Variants in UNC5C observed in about 807,000 individuals in gnomAD.
The protein encoded by UNC5C is netrin receptor UNC5C.
A neutral mutation model predicts 99.8 loss-of-function variants in UNC5C; 47 were observed. The ratio of observed to expected loss-of-function variants is 0.47; its 90% CI spans 0.37 to 0.60. The LOEUF is 0.60. Ranked by LOEUF, UNC5C falls within the 20% of genes least tolerant of loss-of-function variation. The probability of loss-of-function intolerance (pLI) is 0.00; values close to 1 mark genes in which losing one functional copy is unlikely to be tolerated. For missense variants in UNC5C, 1,062 were observed against 1,165.9 expected, an observed-to-expected ratio of 0.91 and a Z score of 1.30; for synonymous variants, 487 against 452.2, an observed-to-expected ratio of 1.08 and a Z score of -0.98.
chr4:95,270,097 G>A (rs75224143), intron 4 of UNC5C, among the ~76,000 whole-genome samples: 2,700 of 152,164 alleles, frequency 0.018, 66 homozygotes, highest in African/African-American at 0.053. Flanking sequence ...TAATTGCTCC[G>A]GAGTTTGAAG....
At chr4:95,491,618 A>G (rs1055087806) in intron 1 of UNC5C, among the ~76,000 whole-genome samples, 16 of 151,616 alleles carry the variant, frequency 1.1e-4, no homozygotes, top group African/African-American at 3.9e-4. Flanking sequence ...AGGGTTACAA[A>G]TGCTAGTAAT....
chr4:95,523,350 G>A (rs905365399), intron 1 of UNC5C, among the ~76,000 whole-genome samples: 2 of 152,206 alleles, frequency 1.3e-5, no homozygotes, highest in Non-Finnish European at 2.9e-5. Context: ...CACTGGGCCA[G>A]TAAAGGAGAT....
chr4:95,365,074 C>A (rs1261213466), intron 1 of UNC5C, among the ~76,000 whole-genome samples: 1 of 151,312 alleles, frequency 6.6e-6, no homozygotes, highest in South Asian at 2.1e-4. Flanking sequence ...AAAGGCGGAT[C>A]ACCTGAGGTC....
At chr4:95,337,669 A>G (rs1743402067) in intron 1 of UNC5C, among the ~76,000 whole-genome samples, 2 of 152,000 alleles carry the variant, frequency 1.3e-5, no homozygotes, top group Admixed American at 1.3e-4. Context: ...TTGACTTTTA[A>G]GACAACATGA....
intron 1 of UNC5C, among the ~76,000 whole-genome samples, chr4:95,343,876 A>C (rs1454490155): frequency 6.6e-6 from 1 of 152,120 alleles, no homozygotes; most frequent in Non-Finnish European, 1.5e-5. Flanking sequence ...GGGTTATTTG[A>C]AAGTACACAG....
At chr4:95,203,562 T>C (rs1462312072) in intron 11 of UNC5C, among the ~76,000 whole-genome samples, 1 of 152,126 alleles carries the variant, frequency 6.6e-6, no homozygotes, top group Non-Finnish European at 1.5e-5. Context: ...CTCCGTCCCC[T>C]AGGCCCAAGT....
chr4:95,449,454 G>C (rs4103380), intron 1 of UNC5C, among the ~76,000 whole-genome samples: 78,413 of 152,004 alleles, frequency 0.52, 20,750 homozygotes, highest in Non-Finnish European at 0.58. Flanking sequence ...CTTCCTGTAA[G>C]GTGTATGGTG....
intron 1 of UNC5C, among the ~76,000 whole-genome samples, chr4:95,504,988 C>T (rs1721876835): frequency 6.6e-6 from 1 of 151,968 alleles, no homozygotes; most frequent in African/African-American, 2.4e-5. Context: ...AAATAAGAGA[C>T]TTACGCTTAT....
At chr4:95,346,014 T>C (rs1743756811) in intron 1 of UNC5C, among the ~76,000 whole-genome samples, 3 of 151,496 alleles carry the variant, frequency 2.0e-5, no homozygotes, top group Admixed American at 2.0e-4. Flanking sequence ...GGAGCAGAAA[T>C]AAAGGATATT....
At chr4:95,324,271 ACATG>A (rs1664337492) in intron 2 of UNC5C, among the ~76,000 whole-genome samples, 2 of 152,102 alleles carry the variant, frequency 1.3e-5, no homozygotes, top group Non-Finnish European at 2.9e-5. Flanking sequence ...TGTGAACTGC[ACATG>A]CAAGGGATAT....
chr4:95,270,263 C>G (rs1192540396), intron 4 of UNC5C, among the ~76,000 whole-genome samples: 1 of 152,066 alleles, frequency 6.6e-6, no homozygotes, highest in Admixed American at 6.5e-5. Context: ...ATTTTTGCTT[C>G]TCAGTTTTGG....
Position 95,164,024 on chromosome 4 carries a change from C to T in UNC5C, c.*5210G>A, listed in dbSNP as rs1301336201. 1.3e-5 allele frequency: 2 copies of T among 152,188 alleles called. No individual in the cohort carries two copies. The highest frequency in any genetic ancestry group is 4.8e-5 in the African/African-American group (2 of 41,438). The allele number at this position is 152,188 out of a possible 1,614,324, so 9.4% of individuals were successfully genotyped here. On this transcript the variant is annotated 3_prime_UTR_variant, in exon 16 of 16. Transcript: ENST00000453304. ...TTGAATGAGCCCGTTAATATCCTAC[C>T]ACAGATGAATACAATGAGGTGACAG...
intron 2 of UNC5C, among the ~76,000 whole-genome samples, chr4:95,325,298 C>T (rs1265252565): frequency 1.3e-5 from 2 of 151,970 alleles, no homozygotes; most frequent in African/African-American, 2.4e-5. Context: ...TTTTTTAGGC[C>T]TATAACTACT....
intron 1 of UNC5C, among the ~76,000 whole-genome samples, chr4:95,421,098 T>C (rs1056498921): frequency 3.3e-5 from 5 of 152,208 alleles, no homozygotes; most frequent in Admixed American, 2.0e-4. Flanking sequence ...TTATTAGACA[T>C]GTATTTTCAA....
At chr4:95,535,202 G>C (rs1722742549) in intron 1 of UNC5C, among the ~76,000 whole-genome samples, 1 of 151,994 alleles carries the variant, frequency 6.6e-6, no homozygotes, top group South Asian at 2.1e-4. Context: ...ACTTTCCAAA[G>C]AGTTTTACTG....
At chr4:95,451,399 A>G (rs2149467554) in intron 1 of UNC5C, among the ~76,000 whole-genome samples, 1 of 152,312 alleles carries the variant, frequency 6.6e-6, no homozygotes, top group East Asian at 1.9e-4. Context: ...AATGTTACTG[A>G]AAAACCTCAC....
chr4:95,307,717 A>G (rs959829153), intron 2 of UNC5C, among the ~76,000 whole-genome samples: 10 of 152,224 alleles, frequency 6.6e-5, no homozygotes, highest in African/African-American at 2.4e-4. Flanking sequence ...TGCAAAAATC[A>G]TCAACAAAAT....
At chr4:95,257,667 G>A (rs1382620930) in intron 4 of UNC5C, among the ~76,000 whole-genome samples, 1 of 152,200 alleles carries the variant, frequency 6.6e-6, no homozygotes, top group African/African-American at 2.4e-5. Flanking sequence ...AATCCAGCTA[G>A]CACAGCATGA....
At chr4:95,301,445 T>A (rs922665336) in intron 3 of UNC5C, among the ~76,000 whole-genome samples, 161 bp downstream of exon 3, 2 of 152,140 alleles carry the variant, frequency 1.3e-5, no homozygotes, top group African/African-American at 4.8e-5. Context: ...TCCGCCCACC[T>A]CGGCCTCCCA....
Sources: gnomAD v4.1 joint callset for allele counts (sites outside exome capture counted in the v4.1 genomes callset) on GRCh38, gnomAD v4.1.1 for gene constraint, MANE v1.5 for transcripts, NCBI Gene and HGNC (gene_info 2026-07-23, HGNC 2026-07-21) for gene names.